The following KCNJ15 variants were observed in gnomAD, a reference collection of about 807,000 sequenced individuals.
KCNJ15 encodes the protein potassium inwardly rectifying channel subfamily J member 15.
In KCNJ15, 14 loss-of-function variants were observed where a neutral mutation model predicts 23.0. The observed-to-expected ratio is 0.61, with a 90% CI of 0.40 to 0.95. The LOEUF (loss-of-function observed/expected upper bound fraction) is 0.95. Among genes scored for constraint, KCNJ15 ranks in the 40% least tolerant of loss-of-function variants. The pLI, the probability that KCNJ15 is intolerant of heterozygous loss-of-function variation, is 0.00. For synonymous variants in KCNJ15, 185 were observed against 183.2 expected (o/e 1.01, Z -0.08); for missense variants, 388 against 461.8 (o/e 0.84, Z 1.46).
chr21:38,281,163 G>A (rs9982736), intron 1 of KCNJ15, among the ~76,000 whole-genome samples: 123,851 of 152,182 alleles, frequency 0.81, 51,071 homozygotes, highest in African/African-American at 0.95. Context: ...GTATTGGTGT[G>A]AAGCAATGGA....
chr21:38,286,933 T>G (rs939405909), intron 1 of KCNJ15, among the ~76,000 whole-genome samples: 2 of 152,238 alleles, frequency 1.3e-5, no homozygotes, highest in Non-Finnish European at 2.9e-5. Flanking sequence ...CACATTCCAG[T>G]CATTTCAGAG....
intron 1 of KCNJ15, among the ~76,000 whole-genome samples, chr21:38,278,387 T>C (rs1010411323): frequency 1.3e-5 from 2 of 152,212 alleles, no homozygotes; most frequent in African/African-American, 4.8e-5. Flanking sequence ...TGCTTTAACT[T>C]ATCTAGCCTC....
At chr21:38,277,563 T>C (rs995066551) in intron 1 of KCNJ15, among the ~76,000 whole-genome samples, 1 of 152,178 alleles carries the variant, frequency 6.6e-6, no homozygotes, top group Admixed American at 6.5e-5. Context: ...AACTTCCACG[T>C]GCTCTTGGAG....
intron 1 of KCNJ15, among the ~76,000 whole-genome samples, chr21:38,236,072 T>C (rs1018417799): frequency 3.9e-5 from 6 of 152,218 alleles, no homozygotes; most frequent in African/African-American, 1.4e-4. Context: ...AAAAAATAAA[T>C]ATTATATTGT....
rs868497207 is a variant in KCNJ15 at position 38,304,404 on chromosome 21, T to C, written c.*4015T>C. On this transcript the variant is annotated 3_prime_UTR_variant, in exon 3 of 3. Coordinates refer to ENST00000398938, the MANE Select transcript of KCNJ15 (RefSeq NM_170736.3). ...CTGAGAATGATGGTTTCCAGTTTCA[T>C]CCAATAACTAGTTTTATCATAGCTT... 3 of 151,816 alleles carry C rather than the reference T, an allele frequency of 2.0e-5. No individual in the cohort carries two copies. The highest frequency in any genetic ancestry group is 4.4e-5 in the Non-Finnish European group (3 of 67,970). 9.4% of individuals were successfully genotyped at this position (151,816 alleles called of 1,614,324 possible).
At chr21:38,256,222 C>T (rs975738540), upstream of KCNJ15, among the ~76,000 whole-genome samples, 1 of 151,904 alleles carries the variant, frequency 6.6e-6, no homozygotes, top group African/African-American at 2.4e-5. Flanking sequence ...TAGAAGCCTT[C>T]TTCAAGGATG....
intron 1 of KCNJ15, among the ~76,000 whole-genome samples, chr21:38,273,196 G>A (rs1268862910): frequency 6.6e-6 from 1 of 152,070 alleles, no homozygotes; most frequent in East Asian, 1.9e-4. Flanking sequence ...CAAGATTTTT[G>A]CAATATGAAA....
chr21:38,299,270 C>T lies in KCNJ15; in HGVS notation c.9C>T (p.Ala3=). 6.2e-7 allele frequency: 1 copy of T among 1,610,762 alleles called. No individual in the cohort carries two copies. Among genetic ancestry groups the T allele is most frequent in the African/African-American group, 1.3e-5 (1 of 74,972 alleles). ...GTTTCCAGAGCCTGGCAATGGATGC[C>T]ATTCACATCGGCATGTCCAGCACCC... The part of the protein sequence containing the change: MD[A]IHIGMSSTPL... The change falls in exon 3 of 3, where the codon GCC becomes GCT. Residue 3 remains alanine, a synonymous_variant. Transcript: ENST00000398938. The surrounding 1 kb of genome is among the most constrained non-coding windows in gnomAD (Gnocchi z 4.5).
rs552289460 is a variant in KCNJ15 at position 38,294,407 on chromosome 21, C to T, written c.-116-2519C>T. Among the ~76,000 whole-genome samples, 8 of 152,244 alleles carry T rather than the reference C, an allele frequency of 5.3e-5. No individual in the cohort carries two copies. The South Asian group carries it at 6.2e-4, about 12-fold the overall frequency. On this transcript the variant is annotated intron_variant, in intron 1 of 2. Coordinates refer to ENST00000398938, the MANE Select transcript of KCNJ15 (RefSeq NM_170736.3). ...ATGCCTCATCACCCTGGTTAAAAGA[C>T]GTGGAATGAGCTCGCTGAAGGCCTA...
In KCNJ15 at chr21:38,299,812, C is replaced by G; in HGVS notation, c.551C>G (p.Ala184Gly). Residue 184 changes from alanine to glycine, a missense_variant, in exon 3 of 3, where the codon GCA becomes GGA. By Grantham distance (60) the Ala-to-Gly change is moderately conservative. Coordinates refer to ENST00000398938, the MANE Select transcript of KCNJ15 (RefSeq NM_170736.3). This position sits in a 1 kb window ranked among gnomAD's most constrained non-coding sequence, Gnocchi z 4.5. Reference protein sequence around the residue: ...RAETIKFSHCAVITKQNGKLC... With the variant: ...RAETIKFSHCGVITKQNGKLC... ...GAGACCATCAAGTTCAGCCACTGTG[C>G]AGTCATCACCAAGCAGAATGGGAAG... 1.9e-6 allele frequency: 3 copies of G among 1,614,064 alleles called. No homozygotes were observed. The highest frequency in any genetic ancestry group is 1.7e-6 in the Non-Finnish European group (2 of 1,180,000).
In KCNJ15 at chr21:38,288,582, T is replaced by C. The variant is rs185507160; in HGVS notation, c.-116-8344T>C. ...CAAGCCAGCCTGAAATTGTTACCCA[T>C]ATTTATAAAACATACTTTCTATGTT... On this transcript the variant is annotated intron_variant, in intron 1 of 2. Transcript: ENST00000398938. 8.4e-3 allele frequency among the ~76,000 whole-genome samples: 1,283 copies of C among 152,148 alleles called. 20 individuals carry two copies. Among genetic ancestry groups the C allele is most frequent in the African/African-American group, 0.03 (1,247 of 41,424 alleles).
At position 38,303,243 on chromosome 21, in the gene KCNJ15, G is replaced by A. The variant is rs1985919879; in HGVS notation, c.*2854G>A. On this transcript the variant is annotated 3_prime_UTR_variant, in exon 3 of 3. Coordinates refer to ENST00000398938, the MANE Select transcript of KCNJ15 (RefSeq NM_170736.3). ...CAACTTAATTTATTATATCTGGTCGGTCTTCTGCTTGAAACAGATTCACAC... is the reference window on the plus strand; with the variant it reads ...CAACTTAATTTATTATATCTGGTCGATCTTCTGCTTGAAACAGATTCACAC... 1.3e-5 allele frequency: 2 copies of A among 151,598 alleles called. No individual in the cohort carries two copies. The highest frequency in any genetic ancestry group is 6.6e-5 in the Admixed American group (1 of 15,206). 9.4% of individuals were successfully genotyped at this position (151,598 alleles called of 1,614,324 possible). A position where few individuals can be genotyped will look rare whatever the true frequency, so the allele number is the denominator to read the frequency against.
chr21:38,253,249 C>T (rs1044893436), upstream of KCNJ15, among the ~76,000 whole-genome samples: 9 of 152,176 alleles, frequency 5.9e-5, no homozygotes, highest in South Asian at 4.1e-4. Context: ...TTTGTCTCAA[C>T]GTCTATTTCC....
At position 38,300,685 on chromosome 21, in the gene KCNJ15, A is replaced by C; in HGVS notation, c.*296A>C. 1 of 309,490 alleles carries C rather than the reference A, an allele frequency of 3.2e-6. No homozygotes were observed. Among genetic ancestry groups the C allele is most frequent in the Non-Finnish European group, 6.3e-6 (1 of 159,150 alleles). The allele number at this position is 309,490 out of a possible 1,614,324, so 19.2% of individuals were successfully genotyped here. A position where few individuals can be genotyped will look rare whatever the true frequency, so the allele number is the denominator to read the frequency against. ...AATTGGAATAATGTCCTGTTAGATA[A>C]ACAGACATTTAGCAATCCTGACATT... On this transcript the variant is annotated 3_prime_UTR_variant, in exon 3 of 3. Transcript: ENST00000398938.
chr21:38,253,444 G>A (rs1979974175), upstream of KCNJ15, among the ~76,000 whole-genome samples: 1 of 152,134 alleles, frequency 6.6e-6, no homozygotes, highest in African/African-American at 2.4e-5. Context: ...GGATAAGGAT[G>A]GTGAGAACAA....
In KCNJ15 at chr21:38,302,800, G is replaced by A. The variant is rs1017436990; in HGVS notation, c.*2411G>A. 1 of 152,052 alleles carries A rather than the reference G, an allele frequency of 6.6e-6. No individual in the cohort carries two copies. The highest frequency in any genetic ancestry group is 1.5e-5 in the Non-Finnish European group (1 of 67,986). The allele number at this position is 152,052 out of a possible 1,614,324, so 9.4% of individuals were successfully genotyped here. On this transcript the variant is annotated 3_prime_UTR_variant, in exon 3 of 3. Transcript: ENST00000398938. ...TAAGATCCAAAAAAAATTTTGTATT[G>A]TCATTTAGCATATCAATTTCAGCCA... is the stretch of plus-strand genomic sequence containing the variant.
chr21:38,243,608 G>C (rs1016429179), intron 1 of KCNJ15, among the ~76,000 whole-genome samples: 2 of 152,140 alleles, frequency 1.3e-5, no homozygotes, highest in Non-Finnish European at 2.9e-5. Flanking sequence ...TTTTAGTAAA[G>C]ACGGGGTTTT....
intron 1 of KCNJ15, among the ~76,000 whole-genome samples, chr21:38,286,300 C>T (rs989130927): frequency 4.6e-5 from 7 of 152,082 alleles, no homozygotes; most frequent in East Asian, 1.9e-4. Context: ...TTCCTACTTC[C>T]GAGAAGTGCT....
intron 1 of KCNJ15, among the ~76,000 whole-genome samples, chr21:38,270,535 G>A (rs1015015099): frequency 1.3e-5 from 2 of 152,130 alleles, no homozygotes; most frequent in African/African-American, 2.4e-5. Flanking sequence ...GACCCCAGGG[G>A]CTAGGCTTTC....
Sources: allele counts gnomAD v4.1 joint callset (sites outside exome capture counted in the v4.1 genomes callset), GRCh38; gene constraint gnomAD v4.1.1; non-coding constraint Gnocchi (gnomAD v3.1); transcripts MANE v1.5; gene names NCBI Gene and HGNC (gene_info 2026-07-23, HGNC 2026-07-21).